The following SAMMSON variants were observed in gnomAD, a reference collection of about 807,000 sequenced individuals.
SAMMSON encodes the protein long intergenic non-protein coding RNA 1212.
intron 4 of SAMMSON, among the ~76,000 whole-genome samples, chr3:70,139,807 G>A (rs1372714441): frequency 2.6e-5 from 4 of 152,098 alleles, no homozygotes; most frequent in African/African-American, 9.7e-5. Flanking sequence ...TTGGACAATA[G>A]AGTGTGCAAT....
chr3:70,036,904 A>G (rs980514853), intron 3 of SAMMSON, among the ~76,000 whole-genome samples: 1 of 152,124 alleles, frequency 6.6e-6, no homozygotes, highest in Non-Finnish European at 1.5e-5. Flanking sequence ...GGAATCAACT[A>G]ATTACTATGC....
At chr3:70,220,894 C>A (rs765774016) in intron 4 of SAMMSON, among the ~76,000 whole-genome samples, 1 of 152,072 alleles carries the variant, frequency 6.6e-6, no homozygotes, top group Non-Finnish European at 1.5e-5. Context: ...GGGAACCATG[C>A]CTTGGCATTC....
At chr3:70,217,243 C>A (rs1701421538) in intron 4 of SAMMSON, among the ~76,000 whole-genome samples, 1 of 152,090 alleles carries the variant, frequency 6.6e-6, no homozygotes, top group Non-Finnish European at 1.5e-5. Context: ...CATGGTGAAT[C>A]ATAAGCTAAC....
At chr3:70,373,044 AG>A in intron 9 of SAMMSON, among the ~76,000 whole-genome samples, 1 of 152,214 alleles carries the variant, frequency 6.6e-6, no homozygotes, top group Non-Finnish European at 1.5e-5. Context: ...GAAATGCAAG[AG>A]TAGAAAATGT....
intron 3 of SAMMSON, chr3:70,065,337 G>T (rs779848791): frequency 7.2e-5 from 11 of 151,968 alleles, no homozygotes. Flanking sequence ...TGAACATTTA[G>T]AGTTTGGCTT....
intron 2 of SAMMSON, among the ~76,000 whole-genome samples, chr3:70,405,487 A>G (rs887849918): frequency 6.6e-6 from 1 of 152,198 alleles, no homozygotes; most frequent in Non-Finnish European, 1.5e-5. Context: ...TGAGCATAAT[A>G]GACAAAAAAT....
chr3:70,299,638 C>G (rs1192243213), intron 7 of SAMMSON, among the ~76,000 whole-genome samples: 1 of 152,100 alleles, frequency 6.6e-6, no homozygotes. Flanking sequence ...ACCAATATCT[C>G]AAATTCGGAA....
At chr3:70,008,368 T>G (rs1265691846) in intron 1 of SAMMSON, among the ~76,000 whole-genome samples, 3 of 152,184 alleles carry the variant, frequency 2.0e-5, no homozygotes, top group Admixed American at 6.5e-5. Flanking sequence ...TCACATCCCT[T>G]GTAAGCTGGA....
At chr3:70,174,282 C>T (rs1323075751) in intron 4 of SAMMSON, among the ~76,000 whole-genome samples, 2 of 151,928 alleles carry the variant, frequency 1.3e-5, no homozygotes, top group African/African-American at 4.8e-5. Flanking sequence ...TGTATTATTT[C>T]ATCTTTTGGA....
intron 9 of SAMMSON, among the ~76,000 whole-genome samples, chr3:70,377,264 A>C (rs1442588674): frequency 6.6e-6 from 1 of 152,180 alleles, no homozygotes; most frequent in Admixed American, 6.5e-5. Flanking sequence ...ATCGGCTATA[A>C]TTTAGCCTGA....
chr3:70,390,497 C>T (rs1030388083), downstream of SAMMSON, among the ~76,000 whole-genome samples: 1 of 152,032 alleles, frequency 6.6e-6, no homozygotes, highest in Non-Finnish European at 1.5e-5. Flanking sequence ...AAGAAGCTTC[C>T]AATCATGGCA....
At chr3:70,424,460 T>G (rs957570936) in intron 2 of SAMMSON, among the ~76,000 whole-genome samples, 1 of 152,168 alleles carries the variant, frequency 6.6e-6, no homozygotes, top group Non-Finnish European at 1.5e-5. Flanking sequence ...AAACAACAAA[T>G]GTACTAAAAT....
chr3:70,092,963 A>G (rs1273769723), intron 4 of SAMMSON, among the ~76,000 whole-genome samples: 1 of 150,762 alleles, frequency 6.6e-6, no homozygotes, highest in Non-Finnish European at 1.5e-5. Flanking sequence ...TCTTCTGCAA[A>G]TCAGTTCCAG....
At chr3:70,412,621 GTATTTTAACACGA>G (rs1488691674) in intron 2 of SAMMSON, among the ~76,000 whole-genome samples, 2 of 152,142 alleles carry the variant, frequency 1.3e-5, no homozygotes, top group African/African-American at 4.8e-5. Context: ...CACATTCATG[GTATTTTAACACGA>G]TATTTCCTTT....
intron 4 of SAMMSON, chr3:70,125,011 C>T (rs1184221718): frequency 2.1e-5 from 14 of 681,298 alleles, no homozygotes; most frequent in Non-Finnish European, 3.4e-5. Context: ...TCTTCCTGTC[C>T]AAGTTGGAAA....
intron 9 of SAMMSON, among the ~76,000 whole-genome samples, chr3:70,380,934 A>C (rs939176382): frequency 5.3e-5 from 8 of 152,140 alleles, no homozygotes; most frequent in Non-Finnish European, 1.0e-4. Flanking sequence ...TTCTTAATCC[A>C]GTCTATCATT....
At chr3:70,221,221 A>G (rs1701458023) in intron 4 of SAMMSON, among the ~76,000 whole-genome samples, 1 of 152,158 alleles carries the variant, frequency 6.6e-6, no homozygotes, top group Admixed American at 6.6e-5. Context: ...TTTATTCATT[A>G]GTGCCTGCTA....
chr3:70,267,708 G>A (rs960725291), intron 6 of SAMMSON, among the ~76,000 whole-genome samples: 1 of 149,958 alleles, frequency 6.7e-6, no homozygotes, highest in African/African-American at 2.4e-5. Context: ...GAGCCACCCC[G>A]CCCAGCCTAA....
intron 7 of SAMMSON, among the ~76,000 whole-genome samples, chr3:70,350,631 G>T (rs1205079252): frequency 6.6e-6 from 1 of 151,992 alleles, no homozygotes; most frequent in Admixed American, 6.6e-5. Context: ...TGTCTTACTA[G>T]CTATTTCATT....
Sources: allele counts gnomAD v4.1 joint callset (sites outside exome capture counted in the v4.1 genomes callset), GRCh38; gene constraint gnomAD v4.1.1; transcripts MANE v1.5; gene names NCBI Gene and HGNC (gene_info 2026-07-23, HGNC 2026-07-21).